TMEM132C: variants seen among roughly 807,000 people sequenced by gnomAD.
The protein encoded by TMEM132C is protein phosphatase 1, regulatory subunit 152.
Under a neutral mutation model 61.4 loss-of-function variants are expected in TMEM132C, and 29 were observed. The observed-to-expected ratio is 0.47, with a 90% CI of 0.35 to 0.64. The LOEUF is 0.64. Among genes scored for constraint, TMEM132C ranks in the 30% least tolerant of loss-of-function variants. The probability of loss-of-function intolerance (pLI) is 0.00; values close to 1 mark genes in which losing one functional copy is unlikely to be tolerated. For synonymous variants in TMEM132C, 656 were observed against 633.1 expected, an observed-to-expected ratio of 1.04 and a Z score of -0.54; for missense variants, 1,408 against 1,476.9, an observed-to-expected ratio of 0.95 and a Z score of 0.76.
chr12:128,375,306 A>G (rs947958563), intron 1 of TMEM132C, among the ~76,000 whole-genome samples: 1 of 152,084 alleles, frequency 6.6e-6, no homozygotes, highest in Non-Finnish European at 1.5e-5. Context: ...TGCCGTGACA[A>G]TGACCCCGCA....
At position 128,507,402 on chromosome 12, in the gene TMEM132C, CTTT is replaced by C. The variant is rs111625089; in HGVS notation, c.975-36538_975-36536del. On this transcript the variant is annotated intron_variant, in intron 2 of 8. Transcript: ENST00000435159. ...TTTTTTTCTTTTTTTTTTTTTCTTT[CTTT>C]TTTTTTTTTTTTTTTTAAATAAGAC... Among the ~76,000 whole-genome samples, 110 of 113,390 alleles carry C rather than the reference CTTT, an allele frequency of 9.7e-4. 1 individual carries two copies. Among genetic ancestry groups the C allele is most frequent in the Middle Eastern group, 5.2e-3 (1 of 194 alleles). The allele number at this position is 113,390 out of a possible 152,430, so 74.4% of individuals were successfully genotyped here.
intron 7 of TMEM132C, 136 bp downstream of exon 7, chr12:128,696,239 G>C: frequency 8.0e-7 from 1 of 1,257,264 alleles, no homozygotes; most frequent in Non-Finnish European, 1.1e-6. Flanking sequence ...GATGAGCCCA[G>C]GCCAGATCTT....
intron 1 of TMEM132C, among the ~76,000 whole-genome samples, chr12:128,269,839 T>C (rs952524164): frequency 6.6e-6 from 1 of 151,734 alleles, no homozygotes; most frequent in Non-Finnish European, 1.5e-5. Context: ...AAAAGCCATC[T>C]CTGTCTCTTC....
chr12:128,555,562 G>A (rs1222355851), intron 3 of TMEM132C, among the ~76,000 whole-genome samples: 1 of 152,210 alleles, frequency 6.6e-6, no homozygotes, highest in Non-Finnish European at 1.5e-5. Context: ...ATAATTTATT[G>A]ATACACAAGT....
chr12:128,401,850 T>C (rs184099006), intron 1 of TMEM132C, among the ~76,000 whole-genome samples: 7 of 152,350 alleles, frequency 4.6e-5, no homozygotes, highest in Admixed American at 3.9e-4. Context: ...GATCTCTACA[T>C]GCCAGTGGTG....
chr12:128,436,378 G>A (rs991122565), intron 2 of TMEM132C, among the ~76,000 whole-genome samples: 1 of 152,192 alleles, frequency 6.6e-6, no homozygotes, highest in Admixed American at 6.5e-5. Context: ...CAGAATGGGA[G>A]AAAATTTTTG....
intron 3 of TMEM132C, among the ~76,000 whole-genome samples, chr12:128,549,226 C>T (rs75065565): frequency 0.029 from 4,430 of 152,148 alleles, 259 homozygotes; most frequent in African/African-American, 0.1. Context: ...TGGGTGTGCT[C>T]CTCTCACAGC....
chr12:128,428,312 C>G (rs1009710857), intron 2 of TMEM132C, among the ~76,000 whole-genome samples: 2 of 152,184 alleles, frequency 1.3e-5, no homozygotes, highest in African/African-American at 4.8e-5. Flanking sequence ...GGGACTCAGT[C>G]TCCCTCACTT....
At chr12:128,588,597 C>G (rs550967083) in intron 3 of TMEM132C, among the ~76,000 whole-genome samples, 3 of 152,126 alleles carry the variant, frequency 2.0e-5, no homozygotes, top group East Asian at 1.9e-4. Context: ...GTGTCCCCCC[C>G]ACTCACAAAA....
At chr12:128,396,288 A>G (rs1430036181) in intron 1 of TMEM132C, among the ~76,000 whole-genome samples, 1 of 152,110 alleles carries the variant, frequency 6.6e-6, no homozygotes, top group Non-Finnish European at 1.5e-5. Flanking sequence ...ACTGCTTCCT[A>G]ATAATAGTAA....
intron 1 of TMEM132C, among the ~76,000 whole-genome samples, chr12:128,377,464 T>G (rs552095838): frequency 4.6e-5 from 7 of 152,250 alleles, no homozygotes; most frequent in Admixed American, 3.3e-4. Context: ...TCAGGTGGTG[T>G]TTTTCCCATT....
intron 2 of TMEM132C, among the ~76,000 whole-genome samples, chr12:128,508,474 T>C (rs1232312818): frequency 2.6e-5 from 4 of 152,170 alleles, no homozygotes; most frequent in Admixed American, 1.3e-4. Context: ...TAATGATAGA[T>C]GCAGGGAGGC....
At chr12:128,563,433 C>G (rs372177450) in intron 3 of TMEM132C, among the ~76,000 whole-genome samples, 1 of 152,322 alleles carries the variant, frequency 6.6e-6, no homozygotes, top group East Asian at 1.9e-4. Context: ...CAAGAACCAG[C>G]ACAACACAGA....
chr12:128,317,751 G>C (rs913453389), intron 1 of TMEM132C, among the ~76,000 whole-genome samples: 32 of 152,162 alleles, frequency 2.1e-4, no homozygotes, highest in Non-Finnish European at 4.3e-4. Context: ...CAGTCTTGGT[G>C]ACACCCACCT....
chr12:128,665,766 AGCACACAGGCACTCAC>A, intron 4 of TMEM132C, among the ~76,000 whole-genome samples: 1 of 126,432 alleles, frequency 7.9e-6, no homozygotes. Flanking sequence ...TGTACTCATA[AGCACACAGGCACTCAC>A]ACACACAGGC....
chr12:128,365,652 G>A (rs369156643), intron 1 of TMEM132C, among the ~76,000 whole-genome samples: 6 of 152,286 alleles, frequency 3.9e-5, no homozygotes, highest in East Asian at 3.9e-4. Context: ...TTGGAGTACC[G>A]GTTCCAGCAG....
At chr12:128,308,410 T>G (rs1871853624) in intron 1 of TMEM132C, among the ~76,000 whole-genome samples, 1 of 152,200 alleles carries the variant, frequency 6.6e-6, no homozygotes, top group Non-Finnish European at 1.5e-5. Flanking sequence ...TTGTTCCACA[T>G]TCTGGAAACA....
At chr12:128,284,994 A>T (rs1244152097) in intron 1 of TMEM132C, among the ~76,000 whole-genome samples, 1 of 152,094 alleles carries the variant, frequency 6.6e-6, no homozygotes, top group Non-Finnish European at 1.5e-5. Flanking sequence ...AACACAAAAA[A>T]TTAGCTGGGC....
chr12:128,526,086 G>T (rs1249618424), intron 2 of TMEM132C, among the ~76,000 whole-genome samples: 1 of 152,184 alleles, frequency 6.6e-6, no homozygotes, highest in Non-Finnish European at 1.5e-5. Context: ...GAAGTCACCT[G>T]GTAAGTAAAT....
Sources: gnomAD v4.1 joint callset for allele counts (sites outside exome capture counted in the v4.1 genomes callset) on GRCh38, gnomAD v4.1.1 for gene constraint, MANE v1.5 for transcripts, NCBI Gene and HGNC (gene_info 2026-07-23, HGNC 2026-07-21) for gene names.